The following ATP7B variants were observed in gnomAD, a reference collection of about 807,000 sequenced individuals.
ATP7B encodes copper-transporting ATPase 2.
In ATP7B, 113 loss-of-function variants were observed where a neutral mutation model predicts 118.9. The observed-to-expected ratio is 0.95, with a 90% CI of 0.82 to 1.11. ATP7B has a LOEUF of 1.11. Ranked by LOEUF, ATP7B falls within the 50% of genes most tolerant of loss-of-function variation. ATP7B has a pLI of 0.00. For missense variants in ATP7B, 1,867 were observed against 1,871.4 expected (o/e 1.00, Z 0.04); for synonymous variants, 777 against 727.4 (o/e 1.07, Z -1.10).
intron 1 of ATP7B, among the ~76,000 whole-genome samples, chr13:51,983,612 G>A (rs1307161422): frequency 6.6e-6 from 1 of 151,806 alleles, no homozygotes; most frequent in Admixed American, 6.6e-5. Context: ...TGTGTCTCCT[G>A]ACCAGGAGAC....
chr13:51,987,577 G>T (rs1331516671), intron 1 of ATP7B, among the ~76,000 whole-genome samples: 1 of 152,050 alleles, frequency 6.6e-6, no homozygotes, highest in African/African-American at 2.4e-5. Context: ...AATTTCATAC[G>T]GAACCAAAAA....
chr13:51,987,121 G>C (rs111460082), intron 1 of ATP7B, among the ~76,000 whole-genome samples: 2 of 152,192 alleles, frequency 1.3e-5, no homozygotes, highest in Admixed American at 1.3e-4. Context: ...AAGAGAGGAA[G>C]TCAAATTGTC....
At chr13:51,973,796 A>C (rs1951956775) in intron 2 of ATP7B, 139 bp downstream of exon 2, 10 of 1,293,522 alleles carry the variant, frequency 7.7e-6, no homozygotes. Flanking sequence ...TTTAACATGC[A>C]AGGAAAGTTT....
At position 51,946,301 on chromosome 13, in the gene ATP7B, G is replaced by A. The variant is rs770693866; in HGVS notation, c.3043C>T (p.Leu1015=). 2.5e-5 allele frequency: 40 copies of A among 1,594,080 alleles called. No homozygotes were observed. Among genetic ancestry groups the A allele is most frequent in the Non-Finnish European group, 3.3e-5 (39 of 1,170,682 alleles). Residue 1015 remains leucine, a synonymous_variant, in exon 13 of 21, where the codon CTG becomes TTG. Transcript: ENST00000242839. ...AGGCTGACCTTGTGCGCCATCTCCA[G>A]GGGCTTGCCTCCCTTGATGAGGATG... ...NGILIKGGKP[L]EMAHKIKTVM...
At chr13:51,969,895 C>T (rs529594754) in intron 3 of ATP7B, among the ~76,000 whole-genome samples, 1 of 152,268 alleles carries the variant, frequency 6.6e-6, no homozygotes, top group African/African-American at 2.4e-5. Flanking sequence ...AAAGACACAT[C>T]ACTGGGGTAA....
intron 2 of ATP7B, among the ~76,000 whole-genome samples, chr13:51,972,278 C>T (rs558810617): frequency 6.6e-6 from 1 of 152,292 alleles, no homozygotes; most frequent in East Asian, 1.9e-4. Context: ...CTAGTTAACC[C>T]GCGAAGATAC....
chr13:52,009,161 T>C (rs1953910890), intron 1 of ATP7B, among the ~76,000 whole-genome samples: 1 of 152,222 alleles, frequency 6.6e-6, no homozygotes, highest in Admixed American at 6.5e-5. Context: ...ATAAAGCTAT[T>C]GAAGGAAACT....
At chr13:52,004,628 A>C (rs1407799725) in intron 1 of ATP7B, among the ~76,000 whole-genome samples, 1 of 152,088 alleles carries the variant, frequency 6.6e-6, no homozygotes, top group Non-Finnish European at 1.5e-5. Flanking sequence ...CTCCAATCTC[A>C]TGACAGCTTA....
chr13:52,008,403 T>C (rs1953876812), intron 1 of ATP7B, among the ~76,000 whole-genome samples: 1 of 152,154 alleles, frequency 6.6e-6, no homozygotes, highest in Admixed American at 6.5e-5. Context: ...ATTAGATCAT[T>C]GTCCACTGGT....
rs1566441447 is a variant in ATP7B at position 51,937,303 on chromosome 13, TATAA to T, written c.3990_3993del (p.Tyr1331ThrfsTer61). On this transcript the variant is annotated frameshift_variant, in exon 19 of 21. Coordinates refer to ENST00000242839, the MANE Select transcript of ATP7B (RefSeq NM_000053.4). LOFTEE classifies it high-confidence loss of function. ...GCTGCAATGGGTATCCCAACCAGGT[TATAA>T]ATCAGTGCCAGGACCAGGTTGATGC... 3 of 1,614,186 alleles carry T rather than the reference TATAA, an allele frequency of 1.9e-6. No homozygotes were observed. Among genetic ancestry groups the T allele is most frequent in the Non-Finnish European group, 2.5e-6 (3 of 1,180,032 alleles).
At chr13:51,946,249 C>T in intron 13 of ATP7B, 35 bp downstream of exon 13, 1 of 1,550,868 alleles carries the variant, frequency 6.4e-7, no homozygotes, top group Admixed American at 1.9e-5. Flanking sequence ...CTACTTTCAT[C>T]TCTCAGGATG....
chr13:51,961,118 C>G (rs1958709198), intron 6 of ATP7B, among the ~76,000 whole-genome samples: 1 of 151,970 alleles, frequency 6.6e-6, no homozygotes, highest in African/African-American at 2.4e-5. Context: ...TTCAGCCAAG[C>G]AAACTTCCAC....
In ATP7B at chr13:51,946,329, G is replaced by A. The variant is rs74085888; in HGVS notation, c.3015C>T (p.Asn1005=). The change falls in exon 13 of 21, where the codon AAC becomes AAT. Residue 1005 remains asparagine (N), a synonymous_variant. Transcript: ENST00000242839. The part of the protein sequence containing the change: ...VMVGTGVAAQ[N]GILIKGGKPL... ...GCTTGCCTCCCTTGATGAGGATGCCGTTCTGCGCGGCCACCCCGGTGCCCA... is the reference window on the plus strand; with the variant it reads ...GCTTGCCTCCCTTGATGAGGATGCCATTCTGCGCGGCCACCCCGGTGCCCA... 1,114 of 1,606,420 alleles carry A rather than the reference G, an allele frequency of 6.9e-4. 6 individuals are homozygous for A. The African/African-American group carries it at 0.013, about 18-fold the overall frequency.
chr13:51,968,863 C>CTTTTTTT (rs201291586), intron 3 of ATP7B, among the ~76,000 whole-genome samples: 4 of 128,650 alleles, frequency 3.1e-5, no homozygotes, highest in African/African-American at 5.5e-5. Context: ...TTTCTTTTTT[C>CTTTTTTT]TTTTTTTTTT....
At chr13:51,953,040 T>C (rs1241900717) in intron 9 of ATP7B, among the ~76,000 whole-genome samples, 1 of 152,176 alleles carries the variant, frequency 6.6e-6, no homozygotes, top group Admixed American at 6.5e-5. Flanking sequence ...CCAAAATAAA[T>C]GGAGTACTGA....
chr13:51,938,174 T>A (rs780191449), intron 17 of ATP7B, among the ~76,000 whole-genome samples: 12 of 152,168 alleles, frequency 7.9e-5, no homozygotes, highest in Non-Finnish European at 1.6e-4. Context: ...CAAACCGCCG[T>A]GCTACTCTGT....
rs201243102 is a variant in ATP7B at position 51,975,183 on chromosome 13, A to T, written c.52-15T>A. The T allele has an allele frequency of 4.2e-5, 67 of 1,613,968 alleles. 1 individual carries two copies. The highest frequency in any genetic ancestry group is 3.3e-4 in the Middle Eastern group (2 of 6,060). On this transcript the variant is annotated splice_polypyrimidine_tract_variant and intron_variant, in intron 1 of 20. Transcript: ENST00000242839. ...TTAGATAAGATCTAAAAAGAAAAGA[A>T]ATAACATTTTTTAACCTTGAAACCA... is the stretch of plus-strand genomic sequence containing the variant.
chr13:51,985,687 T>C (rs963764281), intron 1 of ATP7B, among the ~76,000 whole-genome samples: 1 of 152,094 alleles, frequency 6.6e-6, no homozygotes, highest in Admixed American at 6.5e-5. Context: ...CCTCAGCAAA[T>C]GCAAAAGAAC....
chr13:51,960,130 C>T lies in ATP7B; in HGVS notation c.2121+18G>A, dbSNP rs1213101972. Reference sequence around the variant, plus strand: ...CACAGCATGGAAGGGAGAGGTCTGCCCACTTTCTCATATATACCTGGACAA... The same window carrying T: ...CACAGCATGGAAGGGAGAGGTCTGCTCACTTTCTCATATATACCTGGACAA... On this transcript the variant is annotated intron_variant, in intron 7 of 20. Transcript: ENST00000242839. 6.2e-7 allele frequency: 1 copy of T among 1,611,396 alleles called. No individual in the cohort carries two copies. Among genetic ancestry groups the T allele is most frequent in the Non-Finnish European group, 8.5e-7 (1 of 1,177,520 alleles).
Sources: gnomAD v4.1 joint callset for allele counts (sites outside exome capture counted in the v4.1 genomes callset) on GRCh38, gnomAD v4.1.1 for gene constraint, MANE v1.5 for transcripts, NCBI Gene and HGNC (gene_info 2026-07-23, HGNC 2026-07-21) for gene names.